PPM1E: variants seen among roughly 807,000 people sequenced by gnomAD.
The protein encoded by PPM1E is protein phosphatase 1E.
A neutral mutation model predicts 65.9 loss-of-function variants in PPM1E; 20 were observed. The ratio of observed to expected loss-of-function variants is 0.30; its 90% CI spans 0.21 to 0.44. The LOEUF (loss-of-function observed/expected upper bound fraction) is 0.44. Ranked by LOEUF, PPM1E falls within the 20% of genes least tolerant of loss-of-function variation. PPM1E has a pLI of 1.00. For synonymous variants in PPM1E, 352 were observed against 374.9 expected (o/e 0.94, Z 0.70); for missense variants, 713 against 953.1 (o/e 0.75, Z 3.32).
intron 1 of PPM1E, among the ~76,000 whole-genome samples, chr17:58,761,263 C>T (rs999071279): frequency 1.3e-5 from 2 of 152,152 alleles, no homozygotes; most frequent in Non-Finnish European, 2.9e-5. Flanking sequence ...AGGGACCCAT[C>T]ATGAATAGTA....
rs1039621351 is a variant in PPM1E, at chr17:58,888,356, TTC to T, written c.465-67287_465-67286del. ...TGATGTCTTGTTCCCTTTTGGACTC[TTC>T]TCTCTTTTTTTTTTTTTTTTTTTTG... On this transcript the variant is annotated intron_variant, in intron 1 of 6. Coordinates refer to ENST00000308249, the MANE Select transcript of PPM1E (RefSeq NM_014906.5). Among the ~76,000 whole-genome samples, 10 of 144,774 alleles carry T rather than the reference TTC, an allele frequency of 6.9e-5. 1 individual carries two copies. In the South Asian group the frequency reaches 8.8e-4, roughly 13 times the overall value. 95.0% of individuals were successfully genotyped at this position (144,774 alleles called of 152,430 possible). A position where few individuals can be genotyped will look rare whatever the true frequency, so the allele number is the denominator to read the frequency against.
intron 6 of PPM1E, among the ~76,000 whole-genome samples, chr17:58,978,583 C>A (rs943335560): frequency 6.6e-6 from 1 of 152,012 alleles, no homozygotes; most frequent in Admixed American, 6.6e-5. Context: ...TGGTGGCGTA[C>A]GCCTGTAATC....
chr17:58,905,597 T>G (rs901807299), intron 1 of PPM1E, among the ~76,000 whole-genome samples: 5 of 152,072 alleles, frequency 3.3e-5, no homozygotes, highest in Admixed American at 6.6e-5. Context: ...TTTTTATACA[T>G]TGTTGGATTT....
At chr17:58,956,461 A>AC (rs201286051) in intron 2 of PPM1E, among the ~76,000 whole-genome samples, 4,343 of 151,216 alleles carry the variant, frequency 0.029, 150 homozygotes, top group African/African-American at 0.083. Context: ...ACAAAAAACA[A>AC]AAAAAAAAAC....
chr17:58,833,909 A>G (rs1462158599), intron 1 of PPM1E, among the ~76,000 whole-genome samples: 1 of 151,908 alleles, frequency 6.6e-6, no homozygotes, highest in Non-Finnish European at 1.5e-5. Context: ...TTGTTTTTTG[A>G]CTTTATAATA....
rs369280693 is a variant in PPM1E, at chr17:58,888,958, A to G, written c.465-66691A>G. Among the ~76,000 whole-genome samples the G allele has an allele frequency of 2.7e-4, 41 of 152,286 alleles. 1 individual carries two copies. In the East Asian group the frequency reaches 6.0e-3, roughly 22 times the overall value. ...TGGCATCATTCTCAATCATGACTTCAGGGTCTATGTGTTCTCTTAGGTTCA... is the reference window on the plus strand; with the variant it reads ...TGGCATCATTCTCAATCATGACTTCGGGGTCTATGTGTTCTCTTAGGTTCA... On this transcript the variant is annotated intron_variant, in intron 1 of 6. Transcript: ENST00000308249.
intron 1 of PPM1E, among the ~76,000 whole-genome samples, chr17:58,895,362 A>G (rs1188563326): frequency 6.6e-6 from 1 of 152,204 alleles, no homozygotes; most frequent in African/African-American, 2.4e-5. Context: ...ACTTTAATTC[A>G]AAAGCTAGAA....
intron 2 of PPM1E, among the ~76,000 whole-genome samples, chr17:58,956,452 CAAA>C (rs34970489): frequency 2.7e-5 from 3 of 113,156 alleles, no homozygotes; most frequent in African/African-American, 9.2e-5. Flanking sequence ...AAACAAAAAA[CAAA>C]AAACAAAAAA....
chr17:58,885,077 G>T (rs2051249910), intron 1 of PPM1E, among the ~76,000 whole-genome samples: 1 of 151,830 alleles, frequency 6.6e-6, no homozygotes, highest in Admixed American at 6.6e-5. Context: ...ATTTTTTTGA[G>T]ATGGAGTCTT....
Position 58,756,206 on chromosome 17 carries a change from C to T in PPM1E, c.209C>T (p.Ala70Val), listed in dbSNP as rs2049761042. ...TCGGTAGAGGAACCCGGGGAGGAGG[C>T]GGCCACGGTAGCCGCGACGGAGGAG... The part of the protein sequence containing the change: ...EASVEEPGEE[A>V]ATVAATEEGD... The change falls in exon 1 of 7, where the codon GCG (alanine) becomes GTG (valine). Residue 70 changes from alanine (A) to valine (V), a missense_variant. Around this residue, in one of 6 missense-constraint regions of PPM1E, gnomAD observed 212 missense variants for 204.0 expected, o/e 1.04. Coordinates refer to ENST00000308249, the MANE Select transcript of PPM1E (RefSeq NM_014906.5). 3 of 1,557,868 alleles carry T rather than the reference C, an allele frequency of 1.9e-6. No homozygotes were observed. The highest frequency in any genetic ancestry group is 2.6e-6 in the Non-Finnish European group (3 of 1,150,820).
At chr17:58,775,430 T>C (rs1283442925) in intron 1 of PPM1E, among the ~76,000 whole-genome samples, 1 of 152,158 alleles carries the variant, frequency 6.6e-6, no homozygotes, top group Non-Finnish European at 1.5e-5. Context: ...AATGTTATTA[T>C]TGTATTTTTA....
At chr17:58,841,072 C>G (rs1445071789) in intron 1 of PPM1E, among the ~76,000 whole-genome samples, 3 of 152,174 alleles carry the variant, frequency 2.0e-5, no homozygotes, top group Non-Finnish European at 2.9e-5. Flanking sequence ...AACAATTGTT[C>G]TCACTCACCC....
At chr17:58,879,079 G>T (rs989325550) in intron 1 of PPM1E, among the ~76,000 whole-genome samples, 8 of 151,984 alleles carry the variant, frequency 5.3e-5, no homozygotes, top group African/African-American at 1.9e-4. Context: ...CTGGAATTTG[G>T]CAGTTAGGAG....
intron 1 of PPM1E, among the ~76,000 whole-genome samples, chr17:58,912,607 A>G (rs999796922): frequency 3.3e-5 from 5 of 152,146 alleles, no homozygotes; most frequent in Non-Finnish European, 7.3e-5. Context: ...CTTCCTCACC[A>G]TTTCCTGACA....
At chr17:58,915,079 G>T (rs1478989483) in intron 1 of PPM1E, among the ~76,000 whole-genome samples, 1 of 152,172 alleles carries the variant, frequency 6.6e-6, no homozygotes, top group Non-Finnish European at 1.5e-5. Flanking sequence ...CAGACCCCAA[G>T]AGAGGGTTCT....
intron 1 of PPM1E, among the ~76,000 whole-genome samples, chr17:58,891,534 A>G (rs368618484): frequency 2.0e-5 from 3 of 151,796 alleles, no homozygotes; most frequent in East Asian, 3.9e-4. Context: ...CATATTGGCC[A>G]GGCTGGTCTC....
At chr17:58,800,367 G>C (rs1041342251) in intron 1 of PPM1E, among the ~76,000 whole-genome samples, 2 of 151,942 alleles carry the variant, frequency 1.3e-5, no homozygotes, top group South Asian at 2.1e-4. Flanking sequence ...AAGGATATTA[G>C]CCTATAATAT....
chr17:58,852,844 C>T (rs968862845), intron 1 of PPM1E, among the ~76,000 whole-genome samples: 2 of 152,060 alleles, frequency 1.3e-5, no homozygotes, highest in South Asian at 4.1e-4. Context: ...CCTCGTGATT[C>T]GCCTACCTTG....
chr17:58,872,220 C>G (rs954167897), intron 1 of PPM1E, among the ~76,000 whole-genome samples: 5 of 152,056 alleles, frequency 3.3e-5, no homozygotes, highest in Non-Finnish European at 7.4e-5. Context: ...TTGCTTGAAC[C>G]CAGGAGGCGG....
Sources: gnomAD v4.1 joint callset for allele counts (sites outside exome capture counted in the v4.1 genomes callset) on GRCh38, gnomAD v4.1.1 for gene constraint, gnomAD v4.1.1 regional missense constraint, MANE v1.5 for transcripts, NCBI Gene and HGNC (gene_info 2026-07-23, HGNC 2026-07-21) for gene names.